CDCP2: variants seen among roughly 807,000 people sequenced by gnomAD.
CDCP2 encodes the protein CUB domain containing protein 2, also known as CUB domain-containing protein 2.
In CDCP2, 31 loss-of-function variants were observed where a neutral mutation model predicts 31.0. The ratio of observed to expected loss-of-function variants is 1.00; its 90% CI spans 0.75 to 1.35. The LOEUF is 1.35. Among genes scored for constraint, CDCP2 ranks in the 40% most tolerant of loss-of-function variants. CDCP2 has a pLI of 0.00. For missense variants in CDCP2, 443 were observed against 482.6 expected (o/e 0.92, Z 0.77); for synonymous variants, 206 against 207.9 (o/e 0.99, Z 0.08).
At chr1:54,141,697 G>A in intron 2 of CDCP2, 1 of 367,224 alleles carries the variant, frequency 2.7e-6, no homozygotes, top group Non-Finnish European at 4.9e-6. Flanking sequence ...TTAAGAAAAG[G>A]GAGGCAAAGA....
intron 1 of CDCP2, among the ~76,000 whole-genome samples, chr1:54,146,147 A>G: frequency 6.6e-6 from 1 of 151,990 alleles, no homozygotes; most frequent in East Asian, 1.9e-4. Flanking sequence ...TGTCAATAGA[A>G]ACCAATATTT....
At chr1:54,134,226 G>A (rs1031503179) in intron 5 of CDCP2, among the ~76,000 whole-genome samples, 14 of 152,200 alleles carry the variant, frequency 9.2e-5, no homozygotes, top group African/African-American at 2.9e-4. Flanking sequence ...CTTTGTCCCC[G>A]GTGCTGTATG....
At chr1:54,152,747 G>T in intron 1 of CDCP2, 97 bp downstream of exon 1, 2 of 1,143,484 alleles carry the variant, frequency 1.7e-6, no homozygotes, top group Non-Finnish European at 2.6e-6. Flanking sequence ...AGGACCTCCT[G>T]CTTTCTGGCT....
intron 2 of CDCP2, chr1:54,141,655 A>G: frequency 2.0e-6 from 1 of 502,660 alleles, no homozygotes; most frequent in Non-Finnish European, 3.5e-6. Flanking sequence ...TAGCCGCACA[A>G]GGACTGTGCT....
In CDCP2 at chr1:54,139,477, C is replaced by G; in HGVS notation, c.1117+276G>C. 2.0e-6 allele frequency: 3 copies of G among 1,520,064 alleles called. No individual in the cohort carries two copies. The South Asian group carries it at 3.6e-5, about 18-fold the overall frequency. 94.2% of individuals were successfully genotyped at this position (1,520,064 alleles called of 1,614,324 possible). ...AACAACACAAGAGGGGCCAGGGGCC[C>G]AGGGGGAAGGAACCAGATGGGGAGG... On this transcript the variant is annotated intron_variant, in intron 4 of 5. Coordinates refer to ENST00000530059, the Ensembl canonical transcript of CDCP2.
chr1:54,139,553 G>A (rs766567720), intron 4 of CDCP2, 200 bp downstream of exon 4: 4 of 1,613,798 alleles, frequency 2.5e-6, no homozygotes, highest in Non-Finnish European at 2.5e-6. Flanking sequence ...TGCAATAGTG[G>A]AAACAAGCGG....
intron 2 of CDCP2, chr1:54,143,712 G>C (rs998182787): frequency 6.6e-5 from 10 of 152,152 alleles, no homozygotes; most frequent in Non-Finnish European, 1.3e-4. Context: ...AGCCTCTGTG[G>C]GTGTCTACTG....
exon 4 of CDCP2, chr1:54,139,965 A>C: frequency 6.2e-7 from 1 of 1,614,214 alleles, no homozygotes; most frequent in African/African-American, 1.3e-5. Flanking sequence ...CTCCAGGTCC[A>C]GGTCCAGGAA....
rs1452160387 is a variant in CDCP2, at chr1:54,144,488, G to C, written c.405C>G (p.Gly135=). ...GACCTTTCTGGTAGCCCGCAGAAAA[G>C]CCATGGCTGGCCACATGCTTGTCCG... Residue 135 remains glycine (G), a synonymous_variant, in exon 2 of 6, where the codon GGC becomes GGG. Transcript: ENST00000530059. 2.5e-6 allele frequency: 4 copies of C among 1,584,884 alleles called. No homozygotes were observed. The South Asian group carries it at 3.5e-5, about 14-fold the overall frequency.
intron 2 of CDCP2, chr1:54,141,800 C>T (rs1054115469): frequency 3.3e-5 from 6 of 183,148 alleles, no homozygotes; most frequent in African/African-American, 9.4e-5. Flanking sequence ...GATCCAGGGG[C>T]CCCCAGGTGG....
chr1:54,136,700 C>T, exon 5 of CDCP2: 1 of 399,184 alleles, frequency 2.5e-6, no homozygotes, highest in Non-Finnish European at 4.4e-6. Flanking sequence ...CTGGGCGGCA[C>T]AGCTCCGGCT....
At chr1:54,144,088 C>A in intron 2 of CDCP2, 2 of 178,070 alleles carry the variant, frequency 1.1e-5, no homozygotes, top group Non-Finnish European at 2.4e-5. Flanking sequence ...GCATGAGAGC[C>A]TCATTCCTGA....
intron 5 of CDCP2, among the ~76,000 whole-genome samples, chr1:54,133,803 C>T (rs576985498): frequency 5.3e-5 from 8 of 151,654 alleles, no homozygotes; most frequent in Non-Finnish European, 1.2e-4. Context: ...GGCTGAGGCA[C>T]GAGAATGGCA....
At chr1:54,132,718 A>G (rs1183024327), downstream of CDCP2, 2 of 367,338 alleles carry the variant, frequency 5.4e-6, no homozygotes, top group African/African-American at 4.2e-5. Flanking sequence ...TAAAATTAAT[A>G]ACAGCAATTG....
At chr1:54,141,515 A>G in intron 2 of CDCP2, 82 bp from the exon 3 acceptor site, 1 of 1,209,438 alleles carries the variant, frequency 8.3e-7, no homozygotes, top group East Asian at 2.4e-5. Context: ...ACACTCCAAC[A>G]TGCTGCCCCC....
chr1:54,150,580 G>C (rs1205024176), intron 1 of CDCP2, among the ~76,000 whole-genome samples: 3 of 151,366 alleles, frequency 2.0e-5, no homozygotes, highest in Non-Finnish European at 4.4e-5. Context: ...GGGTGAGACA[G>C]AGTGAGACTC....
chr1:54,144,507 T>C (rs1174973620), exon 2 of CDCP2: 1 of 1,600,746 alleles, frequency 6.2e-7, no homozygotes, highest in Non-Finnish European at 8.5e-7. Flanking sequence ...GGCCACATGC[T>C]TGTCCGAGTG....
At chr1:54,136,330 T>G (rs1169635986) in intron 5 of CDCP2, among the ~76,000 whole-genome samples, 1 of 152,150 alleles carries the variant, frequency 6.6e-6, no homozygotes, top group Non-Finnish European at 1.5e-5. Flanking sequence ...CGGTAGCGTC[T>G]TTAGGTTGCT....
intron 3 of CDCP2, 197 bp from the exon 4 acceptor site, chr1:54,140,303 A>G (rs1659343969): frequency 1.7e-6 from 1 of 601,658 alleles, no homozygotes. Context: ...GCTTGTTTTA[A>G]ACTGCAACTA....
Sources: allele counts gnomAD v4.1 joint callset (sites outside exome capture counted in the v4.1 genomes callset), GRCh38; gene constraint gnomAD v4.1.1; transcripts MANE v1.5; gene names NCBI Gene and HGNC (gene_info 2026-07-23, HGNC 2026-07-21).